The following CACNA2D4 variants were observed in gnomAD, a reference collection of about 807,000 sequenced individuals.
CACNA2D4 encodes the protein calcium voltage-gated channel auxiliary subunit alpha2delta 4.
Under a neutral mutation model 163.8 loss-of-function variants are expected in CACNA2D4, and 157 were observed. That is an observed-to-expected ratio of 0.96 (90% confidence interval 0.84 to 1.09). The LOEUF (loss-of-function observed/expected upper bound fraction) is 1.09. Among genes scored for constraint, CACNA2D4 ranks in the 50% least tolerant of loss-of-function variants. CACNA2D4 has a pLI of 0.00. For missense variants in CACNA2D4, 1,410 were observed against 1,479.9 expected (o/e 0.95, Z 0.78); for synonymous variants, 598 against 586.9 (o/e 1.02, Z -0.27).
intron 6 of CACNA2D4, among the ~76,000 whole-genome samples, chr12:1,899,695 C>T (rs1029898126): frequency 3.3e-5 from 5 of 152,072 alleles, no homozygotes; most frequent in Admixed American, 2.6e-4. Context: ...ATCTATCAAG[C>T]ATTTGAGGAA....
chr12:1,828,448 A>G lies in CACNA2D4; in HGVS notation c.2551+12291T>C, dbSNP rs1353220974. On this transcript the variant is annotated intron_variant, in intron 26 of 37. Coordinates refer to ENST00000382722, the MANE Select transcript of CACNA2D4 (RefSeq NM_172364.5). The surrounding 1 kb of genome is among the most constrained non-coding windows in gnomAD (Gnocchi z 4.2). Reference sequence around the variant, plus strand: ...GCTGAGTGGTTAGACCTGGAGCTGGAGGCCACGACAGTTGTTCTACCTCCC... The same window carrying G: ...GCTGAGTGGTTAGACCTGGAGCTGGGGGCCACGACAGTTGTTCTACCTCCC... Among the ~76,000 whole-genome samples, 2 of 152,226 alleles carry G rather than the reference A, an allele frequency of 1.3e-5. No individual in the cohort carries two copies. Among genetic ancestry groups the G allele is most frequent in the Non-Finnish European group, 2.9e-5 (2 of 68,014 alleles).
At chr12:1,864,620 G>C (rs142580266) in intron 18 of CACNA2D4, among the ~76,000 whole-genome samples, 6 of 152,346 alleles carry the variant, frequency 3.9e-5, no homozygotes, top group South Asian at 2.1e-4. Context: ...CGATGAGAAC[G>C]AGGAGGCCCA....
At position 1,878,865 on chromosome 12, in the gene CACNA2D4, T is replaced by G. The variant is rs1281253629; in HGVS notation, c.1644+91A>C. 2 of 1,268,118 alleles carry G rather than the reference T, an allele frequency of 1.6e-6. No homozygotes were observed. Among genetic ancestry groups the G allele is most frequent in the Non-Finnish European group, 2.2e-6 (2 of 901,492 alleles). The allele number at this position is 1,268,118 out of a possible 1,614,324, so 78.6% of individuals were successfully genotyped here. On this transcript the variant is annotated intron_variant, in intron 15 of 37. Coordinates refer to ENST00000382722, the MANE Select transcript of CACNA2D4 (RefSeq NM_172364.5). This position sits in a 1 kb window ranked among gnomAD's most constrained non-coding sequence, Gnocchi z 4.6. ...GAGGGGCCCCACCCCAGCTCTGGGC[T>G]TGGCTTGCCTGGAGAGAGGCTCCCA...
Position 1,832,477 on chromosome 12 carries a change from C to T in CACNA2D4, c.2551+8262G>A, listed in dbSNP as rs76587253. ...AGTGGACTTGAAACACCATTTGGCA[C>T]GAAGAAGATGCTCAATGAATGTTTG... On this transcript the variant is annotated intron_variant, in intron 26 of 37. Transcript: ENST00000382722. 4.5e-4 allele frequency among the ~76,000 whole-genome samples: 68 copies of T among 152,274 alleles called. No individual in the cohort carries two copies. In the East Asian group the frequency reaches 8.3e-3, roughly 19 times the overall value.
At chr12:1,879,916 C>G in intron 13 of CACNA2D4, 35 bp from the exon 14 acceptor site, 1 of 1,489,072 alleles carries the variant, frequency 6.7e-7, no homozygotes, top group African/African-American at 1.4e-5. Context: ...TCAGAAGGTG[C>G]GGCCTAGGGC....
At chr12:1,840,158 G>T (rs1864981157) in intron 26 of CACNA2D4, among the ~76,000 whole-genome samples, 1 of 152,138 alleles carries the variant, frequency 6.6e-6, no homozygotes, top group African/African-American at 2.4e-5. Flanking sequence ...TTTCAGCGCT[G>T]CTGGTCTTCA....
intron 27 of CACNA2D4, 119 bp from the exon 28 acceptor site, chr12:1,810,706 G>T: frequency 9.7e-7 from 1 of 1,029,128 alleles, no homozygotes; most frequent in Non-Finnish European, 1.5e-6. Context: ...TGCATGGGGT[G>T]TGTATCTGCA....
rs902805566 is a variant in CACNA2D4, at chr12:1,793,387, C to T, written c.*268G>A. 2 of 536,696 alleles carry T rather than the reference C, an allele frequency of 3.7e-6. No individual in the cohort carries two copies. Among genetic ancestry groups the T allele is most frequent in the African/African-American group, 3.8e-5 (2 of 52,724 alleles). The allele number at this position is 536,696 out of a possible 1,614,324, so 33.2% of individuals were successfully genotyped here. ...TCACGCTGGCTTCCCGAAGAGGAGA[C>T]AGGAAGGTTAGGTCAGAAGTATGCT... On this transcript the variant is annotated 3_prime_UTR_variant, in exon 38 of 38. Coordinates refer to ENST00000382722, the MANE Select transcript of CACNA2D4 (RefSeq NM_172364.5).
chr12:1,889,144 A>G (rs577776406), intron 6 of CACNA2D4, among the ~76,000 whole-genome samples: 33 of 152,356 alleles, frequency 2.2e-4, no homozygotes, highest in African/African-American at 7.7e-4. Flanking sequence ...ATCATTCAAG[A>G]ATGAGGATAA....
chr12:1,866,599 T>G (rs1865655159), intron 18 of CACNA2D4, among the ~76,000 whole-genome samples: 1 of 152,180 alleles, frequency 6.6e-6, no homozygotes, highest in Admixed American at 6.5e-5. Context: ...AACCTCTGTT[T>G]CCTTCTATCT....
intron 29 of CACNA2D4, among the ~76,000 whole-genome samples, chr12:1,804,390 C>T (rs1863448622): frequency 6.6e-6 from 1 of 152,162 alleles, no homozygotes; most frequent in Non-Finnish European, 1.5e-5. Context: ...AAACCTGTCC[C>T]ATTCTCCTTC....
chr12:1,908,068 G>T, intron 4 of CACNA2D4, 31 bp from the exon 5 acceptor site: 1 of 1,590,374 alleles, frequency 6.3e-7, no homozygotes, highest in Non-Finnish European at 8.6e-7. Context: ...CCACGGAGGC[G>T]GCCCGAGCAC....
At chr12:1,877,852 C>T (rs1865913512) in intron 16 of CACNA2D4, among the ~76,000 whole-genome samples, 1 of 152,220 alleles carries the variant, frequency 6.6e-6, no homozygotes, top group Non-Finnish European at 1.5e-5. Flanking sequence ...CTCAGTTGAA[C>T]TCATGTGAAA....
intron 28 of CACNA2D4, 33 bp downstream of exon 28, chr12:1,810,510 C>A (rs757260384): frequency 5.2e-6 from 8 of 1,551,564 alleles, no homozygotes; most frequent in East Asian, 4.9e-5. Flanking sequence ...CCATGGCTCC[C>A]TCCTCCACCT....
At chr12:1,814,080 G>A (rs997816257) in intron 26 of CACNA2D4, among the ~76,000 whole-genome samples, 1 of 152,168 alleles carries the variant, frequency 6.6e-6, no homozygotes, top group Admixed American at 6.5e-5. Context: ...CCAGCTCTTC[G>A]GGATTGAAGA....
chr12:1,810,198 T>G (rs1863657845), intron 29 of CACNA2D4, 80 bp downstream of exon 29: 1 of 1,232,580 alleles, frequency 8.1e-7, no homozygotes, highest in Non-Finnish European at 1.2e-6. Flanking sequence ...CGTGGGGCTC[T>G]CTTTAGCTGG....
chr12:1,881,510 G>A lies in CACNA2D4; in HGVS notation c.1485+1357C>T, dbSNP rs145865163. On this transcript the variant is annotated intron_variant, in intron 13 of 37. Coordinates refer to ENST00000382722, the MANE Select transcript of CACNA2D4 (RefSeq NM_172364.5). ...ACTCCCAGGTGAGGGAGGCCCACAC[G>A]GAGCACCGGAGCCCTGGCCCCTCCT... Among the ~76,000 whole-genome samples the A allele has an allele frequency of 4.1e-4, 63 of 152,378 alleles. No individual in the cohort carries two copies. The East Asian group carries it at 0.01, about 24-fold the overall frequency.
intron 6 of CACNA2D4, among the ~76,000 whole-genome samples, chr12:1,907,000 T>C (rs931076023): frequency 6.6e-6 from 1 of 152,282 alleles, no homozygotes. Flanking sequence ...TTTCTATTTT[T>C]ATTGATGGAC....
At chr12:1,810,013 C>T (rs529770039) in intron 29 of CACNA2D4, among the ~76,000 whole-genome samples, 21 of 152,184 alleles carry the variant, frequency 1.4e-4, no homozygotes, top group African/African-American at 4.1e-4. Context: ...CTACCAGGCA[C>T]GGGAGGAGGC....
Sources: allele counts gnomAD v4.1 joint callset (sites outside exome capture counted in the v4.1 genomes callset), GRCh38; gene constraint gnomAD v4.1.1; non-coding constraint Gnocchi (gnomAD v3.1); transcripts MANE v1.5; gene names NCBI Gene and HGNC (gene_info 2026-07-23, HGNC 2026-07-21).